CSMD1: variants seen among roughly 807,000 people sequenced by gnomAD.
CSMD1 encodes the protein CUB and sushi domain-containing protein 1.
Under a neutral mutation model 417.5 loss-of-function variants are expected in CSMD1, and 213 were observed. The ratio of observed to expected loss-of-function variants is 0.51; its 90% confidence interval spans 0.46 to 0.57. The LOEUF is 0.57. Among genes scored for constraint, CSMD1 ranks in the 20% least tolerant of loss-of-function variants. The probability of loss-of-function intolerance (pLI) is 0.00; values close to 1 mark genes in which losing one functional copy is unlikely to be tolerated. For synonymous variants in CSMD1, 2,862 were observed against 1,736.8 expected (o/e 1.65, Z -16.11); for missense variants, 6,923 against 4,529.7 (o/e 1.53, Z -15.17).
chr8:4,233,261 T>A (rs888648893), intron 3 of CSMD1, among the ~76,000 whole-genome samples: 32 of 152,244 alleles, frequency 2.1e-4, no homozygotes, highest in African/African-American at 7.7e-4. Context: ...AAGATCAGCT[T>A]CTTTGTATGC....
chr8:4,949,103 A>G (rs1453486380), intron 1 of CSMD1, among the ~76,000 whole-genome samples: 1 of 152,066 alleles, frequency 6.6e-6, no homozygotes. Flanking sequence ...TTTAATCTGT[A>G]AATGTGGTAA....
intron 1 of CSMD1, among the ~76,000 whole-genome samples, chr8:4,891,338 G>C (rs566936717): frequency 3.3e-5 from 5 of 152,220 alleles, no homozygotes; most frequent in East Asian, 1.9e-4. Flanking sequence ...AAAGACTGAA[G>C]TTTATTGAAG....
intron 1 of CSMD1, among the ~76,000 whole-genome samples, chr8:4,920,395 AAT>A: frequency 6.6e-6 from 1 of 152,216 alleles, no homozygotes; most frequent in Non-Finnish European, 1.5e-5. Flanking sequence ...TGGCAGTATA[AAT>A]CTAGGGAATT....
intron 10 of CSMD1, among the ~76,000 whole-genome samples, chr8:3,500,558 G>C (rs1446383672): frequency 1.3e-5 from 2 of 152,138 alleles, no homozygotes; most frequent in Non-Finnish European, 2.9e-5. Context: ...AGAGGTCAAG[G>C]AATTGAGGAA....
At chr8:3,226,694 G>A (rs3943652) in intron 27 of CSMD1, among the ~76,000 whole-genome samples, 10,797 of 151,686 alleles carry the variant, frequency 0.071, 464 homozygotes, top group East Asian at 0.19. Flanking sequence ...CATTTCGGAT[G>A]TAACAATAAC....
chr8:3,163,470 G>A (rs1820018603), intron 37 of CSMD1, among the ~76,000 whole-genome samples: 1 of 151,814 alleles, frequency 6.6e-6, no homozygotes, highest in East Asian at 1.9e-4. Context: ...CCATGCTAGT[G>A]GTCCCCAGGC....
intron 2 of CSMD1, among the ~76,000 whole-genome samples, chr8:4,452,746 C>G (rs1799225271): frequency 6.6e-6 from 1 of 152,050 alleles, no homozygotes. Context: ...GGTTATTCAT[C>G]TTTCAACATA....
chr8:4,139,784 G>T (rs13248800), intron 3 of CSMD1, among the ~76,000 whole-genome samples: 1 of 150,800 alleles, frequency 6.6e-6, no homozygotes, highest in Non-Finnish European at 1.5e-5. Flanking sequence ...TTTGCACACT[G>T]AGCTCAGTGT....
At chr8:3,560,256 G>C (rs28710136) in intron 10 of CSMD1, among the ~76,000 whole-genome samples, 18,807 of 152,088 alleles carry the variant, frequency 0.12, 1,654 homozygotes, top group East Asian at 0.41. Flanking sequence ...ATTAACAGTA[G>C]TACTGTTAAT....
intron 49 of CSMD1, among the ~76,000 whole-genome samples, chr8:3,070,108 T>C (rs544042959): frequency 3.1e-4 from 47 of 152,332 alleles, no homozygotes; most frequent in African/African-American, 1.1e-3. Flanking sequence ...CGTAGGGCCC[T>C]GGGCCTGGCC....
At chr8:3,632,650 T>A (rs1052102358) in intron 7 of CSMD1, among the ~76,000 whole-genome samples, 13 of 152,294 alleles carry the variant, frequency 8.5e-5, no homozygotes, top group Admixed American at 4.6e-4. Flanking sequence ...ATTTAAAAAA[T>A]AATTAAATAA....
chr8:4,230,161 T>A (rs1801627086), intron 3 of CSMD1, among the ~76,000 whole-genome samples: 1 of 152,338 alleles, frequency 6.6e-6, no homozygotes, highest in South Asian at 2.1e-4. Context: ...GTGCTGGGTA[T>A]GTTTGAATTG....
chr8:3,941,069 A>G (rs985902451), intron 5 of CSMD1, among the ~76,000 whole-genome samples: 1 of 152,086 alleles, frequency 6.6e-6, no homozygotes, highest in Non-Finnish European at 1.5e-5. Context: ...TGGGGTAATT[A>G]TAATATCCAT....
In CSMD1 at chr8:3,414,182, G is replaced by C. The variant is rs565066043; in HGVS notation, c.1562-4577C>G. On this transcript the variant is annotated intron_variant, in intron 12 of 69. Transcript: ENST00000635120. ...AAAAAGAAGCAAACACTATGATTTG[G>C]TATCAATTCAAAGACTGATGCACCT... Among the ~76,000 whole-genome samples the C allele has an allele frequency of 5.6e-3, 417 of 74,566 alleles. 2 individuals are homozygous for C. The highest frequency in any genetic ancestry group is 0.018 in the African/African-American group (395 of 21,602). The allele number at this position is 74,566 out of a possible 152,430, so 48.9% of individuals were successfully genotyped here. A position where few individuals can be genotyped will look rare whatever the true frequency, so the allele number is the denominator to read the frequency against.
chr8:3,632,541 T>C (rs546957402), intron 7 of CSMD1, among the ~76,000 whole-genome samples: 21 of 152,268 alleles, frequency 1.4e-4, no homozygotes, highest in African/African-American at 3.9e-4. Context: ...TTAGAACAAG[T>C]GGGATGTCTG....
At chr8:4,320,019 T>G (rs1223495127) in intron 3 of CSMD1, among the ~76,000 whole-genome samples, 16 of 152,280 alleles carry the variant, frequency 1.1e-4, no homozygotes. Context: ...GTACTCAAAG[T>G]ACCACCTCAA....
chr8:3,525,599 G>T (rs1302151376), intron 10 of CSMD1, among the ~76,000 whole-genome samples: 1 of 152,166 alleles, frequency 6.6e-6, no homozygotes, highest in Non-Finnish European at 1.5e-5. Flanking sequence ...TCTGTCACTA[G>T]GAGGGCATCG....
intron 3 of CSMD1, among the ~76,000 whole-genome samples, chr8:4,264,286 T>G (rs1804089852): frequency 6.6e-6 from 1 of 152,192 alleles, no homozygotes; most frequent in African/African-American, 2.4e-5. Context: ...AGTAACACAT[T>G]ATTGTACGTA....
chr8:3,040,372 G>T (rs903723700), intron 50 of CSMD1, among the ~76,000 whole-genome samples: 4 of 117,396 alleles, frequency 3.4e-5, no homozygotes, highest in African/African-American at 1.2e-4. Flanking sequence ...GGTGTAGATA[G>T]CATATACACA....
Sources: gnomAD v4.1 joint callset for allele counts (sites outside exome capture counted in the v4.1 genomes callset) on GRCh38, gnomAD v4.1.1 for gene constraint, MANE v1.5 for transcripts, NCBI Gene and HGNC (gene_info 2026-07-23, HGNC 2026-07-21) for gene names.